DIDO1: variants seen among roughly 807,000 people sequenced by gnomAD.
DIDO1 encodes death-inducer obliterator 1.
DIDO1 carries 16 observed loss-of-function variants against 99.4 expected under a neutral mutation model. The observed-to-expected ratio is 0.16, with a 90% CI of 0.11 to 0.24. The LOEUF (loss-of-function observed/expected upper bound fraction) is 0.24. Among genes scored for constraint, DIDO1 ranks in the 10% least tolerant of loss-of-function variants. DIDO1 has a pLI of 1.00. For missense variants in DIDO1, 2,996 were observed against 3,014.0 expected, an observed-to-expected ratio of 0.99 and a Z score of 0.14; for synonymous variants, 1,366 against 1,239.1, an observed-to-expected ratio of 1.10 and a Z score of -2.15.
chr20:62,883,873 C>T (rs977899234), intron 15 of DIDO1, among the ~76,000 whole-genome samples: 58 of 151,820 alleles, frequency 3.8e-4, no homozygotes, highest in African/African-American at 1.3e-3. Context: ...GGCGTGGTGG[C>T]GTGTGCCTGT....
chr20:62,898,416 C>G (rs981862906), intron 6 of DIDO1, among the ~76,000 whole-genome samples: 6 of 152,240 alleles, frequency 3.9e-5, no homozygotes, highest in African/African-American at 1.4e-4. Context: ...ACAAAACTTG[C>G]AACAGTACTA....
intron 1 of DIDO1, among the ~76,000 whole-genome samples, chr20:62,922,004 T>TATATATATCCACACA (rs1171975704): frequency 2.7e-5 from 4 of 149,266 alleles, no homozygotes; most frequent in African/African-American, 9.9e-5. Context: ...ATATACACTA[T>TATATATATCCACACA]ATATATATCC....
At chr20:62,916,165 A>C (rs1330703618) in intron 1 of DIDO1, among the ~76,000 whole-genome samples, 2 of 152,214 alleles carry the variant, frequency 1.3e-5, no homozygotes. Flanking sequence ...AGCCCATCAC[A>C]GGGGGAATGT....
chr20:62,924,283 G>GAA (rs367594790), intron 1 of DIDO1, among the ~76,000 whole-genome samples: 1 of 151,880 alleles, frequency 6.6e-6, no homozygotes, highest in African/African-American at 2.4e-5. Context: ...CTGCCAGAGA[G>GAA]ATGAGACCTC....
intron 15 of DIDO1, among the ~76,000 whole-genome samples, chr20:62,886,626 G>A (rs759495174): frequency 9.2e-5 from 14 of 152,146 alleles, no homozygotes; most frequent in Admixed American, 4.6e-4. Flanking sequence ...GCTGCAGGAA[G>A]ACGCTCCTTC....
rs746722591 is a variant in DIDO1, at chr20:62,893,846, C to G, written c.2921G>C (p.Ser974Thr). The G allele has an allele frequency of 1.2e-6, 2 of 1,613,868 alleles. No homozygotes were observed. The highest frequency in any genetic ancestry group is 1.7e-5 in the Admixed American group (1 of 60,006). Reference protein sequence around the residue: ...SGRDPRTAPSSSCTAVASAAS... With the variant: ...SGRDPRTAPSTSCTAVASAAS... ...TGCGGAGGCCACGGCTGTGCATGAACTGCTTGGAGCGGTCCTGGGGTCCCG... is the reference window on the plus strand; with the variant it reads ...TGCGGAGGCCACGGCTGTGCATGAAGTGCTTGGAGCGGTCCTGGGGTCCCG... The change falls in exon 12 of 16, where the codon AGT becomes ACT. Residue 974 changes from serine (S) to threonine (T), a missense_variant. Ser to Thr is a moderately conservative substitution (Grantham distance 58). Around this residue, in one of 5 missense-constraint regions of DIDO1, gnomAD observed 898 missense variants for 972.7 expected, o/e 0.92. Coordinates refer to ENST00000395343, the MANE Select transcript of DIDO1 (RefSeq NM_001193369.2).
At chr20:62,936,851 G>C (rs751614922) in intron 1 of DIDO1, among the ~76,000 whole-genome samples, 2 of 152,286 alleles carry the variant, frequency 1.3e-5, no homozygotes, top group Non-Finnish European at 1.5e-5. Context: ...GCGAGAGTGA[G>C]ACTTCGTCTC....
In DIDO1 at chr20:62,911,494, G is replaced by A; in HGVS notation, c.119C>T (p.Ala40Val). 1 of 1,612,730 alleles carries A rather than the reference G, an allele frequency of 6.2e-7. No homozygotes were observed. Among genetic ancestry groups the A allele is most frequent in the Non-Finnish European group, 8.5e-7 (1 of 1,179,448 alleles). Residue 40 changes from alanine (A) to valine (V), a missense_variant, in exon 3 of 16, where the codon GCA becomes GTA. Ala to Val is a moderately conservative substitution (Grantham distance 64). Transcript: ENST00000395343. The surrounding 1 kb of genome is among the most constrained non-coding windows in gnomAD (Gnocchi z 7.0). ...CAGTGGGTCAGCCTCCGCGTCCCCT[G>A]CGCCCTCTCGCTTGGCGATAGTGGT... ...RRTTIAKREG[A>V]GDAEADPLEP...
intron 4 of DIDO1, 109 bp downstream of exon 4, chr20:62,909,590 C>A: frequency 7.3e-7 from 1 of 1,369,256 alleles, no homozygotes; most frequent in Non-Finnish European, 1.0e-6. Flanking sequence ...GGGAGAGGCA[C>A]CGCCCCACAT....
At chr20:62,890,799 A>G (rs1021913838) in intron 15 of DIDO1, 161 bp downstream of exon 15, 32 of 1,487,860 alleles carry the variant, frequency 2.2e-5, no homozygotes, top group Non-Finnish European at 2.6e-5. Flanking sequence ...CCACAGTCCT[A>G]CGCCCTCAAA....
upstream of DIDO1, among the ~76,000 whole-genome samples, chr20:62,929,896 T>A (rs1039092699): frequency 6.6e-6 from 1 of 151,688 alleles, no homozygotes; most frequent in African/African-American, 2.4e-5. Context: ...CTACTTCCCC[T>A]CAAAGCAAAC....
chr20:62,925,062 G>C (rs1007491905), intron 1 of DIDO1, among the ~76,000 whole-genome samples: 1 of 152,136 alleles, frequency 6.6e-6, no homozygotes, highest in African/African-American at 2.4e-5. Flanking sequence ...ACACTTCTGA[G>C]ATGTCTATGC....
At chr20:62,897,915 AG>A (rs2064574365) in intron 6 of DIDO1, among the ~76,000 whole-genome samples, 1 of 152,162 alleles carries the variant, frequency 6.6e-6, no homozygotes, top group Non-Finnish European at 1.5e-5. Context: ...CCTGGGGAAT[AG>A]GGGGCCCCCA....
chr20:62,937,780 G>A (rs971071388), intron 1 of DIDO1: 4 of 397,834 alleles, frequency 1.0e-5, no homozygotes, highest in African/African-American at 6.2e-5. Flanking sequence ...GCAAACGACA[G>A]GAAAAAAGCT....
At chr20:62,936,884 C>T (rs566383195) in intron 1 of DIDO1, among the ~76,000 whole-genome samples, 127 of 152,350 alleles carry the variant, frequency 8.3e-4, no homozygotes, top group Admixed American at 2.7e-3. Context: ...TAAATAAAGA[C>T]CAATAACTGT....
At chr20:62,910,391 C>T (rs1164997211) in intron 3 of DIDO1, among the ~76,000 whole-genome samples, 1 of 152,240 alleles carries the variant, frequency 6.6e-6, no homozygotes, top group East Asian at 1.9e-4. Flanking sequence ...AGGACACTTG[C>T]GGTCTGCACA....
At position 62,911,927 on chromosome 20, in the gene DIDO1, T is replaced by C. The variant is rs937347575; in HGVS notation, c.-2-313A>G. 7.2e-5 allele frequency among the ~76,000 whole-genome samples: 11 copies of C among 152,098 alleles called. No homozygotes were observed. The highest frequency in any genetic ancestry group is 1.3e-4 in the Admixed American group (2 of 15,278). On this transcript the variant is annotated intron_variant, in intron 2 of 15. Coordinates refer to ENST00000395343, the MANE Select transcript of DIDO1 (RefSeq NM_001193369.2). This position sits in a 1 kb window ranked among gnomAD's most constrained non-coding sequence, Gnocchi z 7.0. The stretch of plus-strand genomic sequence containing the variant: ...AGACAGTAGGGACAAATAGGAAATA[T>C]TGGACAGTATAGCAGGGTAAGGATG...
At position 62,890,680 on chromosome 20, in the gene DIDO1, T is replaced by A. The variant is rs1304658323; in HGVS notation, c.3541+280A>T. ...GAGCCTTGGGCTTCTGGGCACTGAG[T>A]CTTCTCTGACCTGAGGCCAAGATGA... On this transcript the variant is annotated intron_variant, in intron 15 of 15. Coordinates refer to ENST00000395343, the MANE Select transcript of DIDO1 (RefSeq NM_001193369.2). 5 of 1,282,084 alleles carry A rather than the reference T, an allele frequency of 3.9e-6. 1 individual carries two copies. Among genetic ancestry groups the A allele is most frequent in the Non-Finnish European group, 5.0e-6 (5 of 1,006,606 alleles). 79.4% of individuals were successfully genotyped at this position (1,282,084 alleles called of 1,614,324 possible). A position where few individuals can be genotyped will look rare whatever the true frequency, so the allele number is the denominator to read the frequency against.
chr20:62,920,473 G>A (rs755502104), intron 1 of DIDO1, among the ~76,000 whole-genome samples: 8 of 152,174 alleles, frequency 5.3e-5, no homozygotes, highest in Non-Finnish European at 8.8e-5. Context: ...CGGTGACAGC[G>A]CATCAGATTG....
Sources: gnomAD v4.1 joint callset for allele counts (sites outside exome capture counted in the v4.1 genomes callset) on GRCh38, gnomAD v4.1.1 for gene constraint, gnomAD v4.1.1 regional missense constraint, Gnocchi (gnomAD v3.1) non-coding constraint, MANE v1.5 for transcripts, NCBI Gene and HGNC (gene_info 2026-07-23, HGNC 2026-07-21) for gene names.